Variants in FAM184B observed in about 807,000 individuals in gnomAD.
FAM184B encodes protein FAM184B.
Under a neutral mutation model 135.9 loss-of-function variants are expected in FAM184B, and 111 were observed. The observed-to-expected ratio is 0.82, with a 90% CI of 0.70 to 0.96. The LOEUF (loss-of-function observed/expected upper bound fraction) is 0.96. FAM184B is among the 40% of genes least tolerant of loss of function. The probability of loss-of-function intolerance (pLI) is 0.00; values close to 1 mark genes in which losing one functional copy is unlikely to be tolerated. For synonymous variants in FAM184B, 552 were observed against 524.8 expected (o/e 1.05, Z -0.71); for missense variants, 1,375 against 1,323.9 (o/e 1.04, Z -0.60).
chr4:17,748,602 G>T (rs1479253605), intron 1 of FAM184B, among the ~76,000 whole-genome samples: 1 of 127,216 alleles, frequency 7.9e-6, no homozygotes, highest in African/African-American at 3.1e-5. Flanking sequence ...CTGTAGCCTT[G>T]ACCTCTGGGG....
chr4:17,680,729 C>T lies in FAM184B; in HGVS notation c.1596+7695G>A, dbSNP rs114525251. Among the ~76,000 whole-genome samples, 652 of 152,238 alleles carry T rather than the reference C, an allele frequency of 4.3e-3. 3 individuals are homozygous for T. The highest frequency in any genetic ancestry group is 0.01 in the Middle Eastern group (3 of 294). ...ATAGATCTGCTTCTCCTTTCCAAACCATCTACTGCAAATGCTTCCTCCCAC... is the reference window on the plus strand; with the variant it reads ...ATAGATCTGCTTCTCCTTTCCAAACTATCTACTGCAAATGCTTCCTCCCAC... On this transcript the variant is annotated intron_variant, in intron 7 of 17. Transcript: ENST00000265018.
chr4:17,631,181 C>G lies in FAM184B; in HGVS notation c.*1351G>C, dbSNP rs1041714783. The G allele has an allele frequency of 1.3e-4, 20 of 152,136 alleles. No individual in the cohort carries two copies. The highest frequency in any genetic ancestry group is 4.6e-4 in the African/African-American group (19 of 41,396). 9.4% of individuals were successfully genotyped at this position (152,136 alleles called of 1,614,324 possible). A position where few individuals can be genotyped will look rare whatever the true frequency, so the allele number is the denominator to read the frequency against. ...GCAACACACCATGAGGCAAATGGCT[C>G]AAACCCAAAGACCAGAGGTTCAGGG... On this transcript the variant is annotated 3_prime_UTR_variant, in exon 18 of 18. Coordinates refer to ENST00000265018, the MANE Select transcript of FAM184B (RefSeq NM_015688.2).
chr4:17,661,831 G>A (rs1008006796), intron 8 of FAM184B, among the ~76,000 whole-genome samples: 3 of 152,102 alleles, frequency 2.0e-5, no homozygotes, highest in African/African-American at 7.2e-5. Flanking sequence ...AGAGGGGAGG[G>A]GGCTGAACTT....
At chr4:17,761,621 G>A (rs950841356) in intron 1 of FAM184B, among the ~76,000 whole-genome samples, 5 of 152,168 alleles carry the variant, frequency 3.3e-5, no homozygotes, top group Non-Finnish European at 7.3e-5. Context: ...TTGCCTCCCA[G>A]GTTCAAGTAA....
intron 2 of FAM184B, among the ~76,000 whole-genome samples, chr4:17,708,305 T>C (rs996932731): frequency 6.6e-6 from 1 of 152,054 alleles, no homozygotes; most frequent in Admixed American, 6.5e-5. Flanking sequence ...ACTCACCACG[T>C]GTCCCTTGCC....
At chr4:17,709,669 G>A (rs533502249) in intron 1 of FAM184B, 25 bp from the exon 2 acceptor site, 3 of 1,469,966 alleles carry the variant, frequency 2.0e-6, no homozygotes, top group Non-Finnish European at 2.7e-6. Context: ...ACAGAGCCCA[G>A]TTAGGGTGAG....
At chr4:17,649,821 TATCCACCTGTCCATCC>T (rs932934239) in intron 11 of FAM184B, among the ~76,000 whole-genome samples, 3 of 151,886 alleles carry the variant, frequency 2.0e-5, no homozygotes, top group South Asian at 2.1e-4. Context: ...TCCATCCTTC[TATCCACCTGTCCATCC>T]ATCCACCTGT....
chr4:17,708,663 C>CTACA (rs1717169266), intron 2 of FAM184B, among the ~76,000 whole-genome samples: 1 of 16,978 alleles, frequency 5.9e-5, no homozygotes, highest in Non-Finnish European at 1.0e-4. Flanking sequence ...GGAAACAAAA[C>CTACA]TATATATATA....
At position 17,748,993 on chromosome 4, in the gene FAM184B, A is replaced by ATTT. The variant is rs35520026; in HGVS notation, c.141+32163_141+32165dup. On this transcript the variant is annotated intron_variant, in intron 1 of 17. Coordinates refer to ENST00000265018, the MANE Select transcript of FAM184B (RefSeq NM_015688.2). The stretch of plus-strand genomic sequence containing the variant: ...AGGTGCTTGCCAGCACACCCAGCTA[A>ATTT]TTTTTTTTTTTTTTTTTTTTTTAAG... Among the ~76,000 whole-genome samples, 783 of 128,178 alleles carry ATTT rather than the reference A, an allele frequency of 6.1e-3. 6 individuals are homozygous for ATTT. Among genetic ancestry groups the ATTT allele is most frequent in the African/African-American group, 0.021 (711 of 33,844 alleles). The allele number at this position is 128,178 out of a possible 152,430, so 84.1% of individuals were successfully genotyped here.
rs1288305208 is a variant in FAM184B at position 17,631,488 on chromosome 4, CA to C, written c.*1043del. ...CTAGAAGATCTTTGACTTCAAAGAACAGATAATCTAGAGACCTTCACAAGTG... is the reference window on the plus strand; with the variant it reads ...CTAGAAGATCTTTGACTTCAAAGAACGATAATCTAGAGACCTTCACAAGTG... On this transcript the variant is annotated 3_prime_UTR_variant, in exon 18 of 18. Coordinates refer to ENST00000265018, the MANE Select transcript of FAM184B (RefSeq NM_015688.2). The C allele has an allele frequency of 2.6e-5, 4 of 152,156 alleles. No homozygotes were observed. Among genetic ancestry groups the C allele is most frequent in the African/African-American group, 9.7e-5 (4 of 41,420 alleles). The allele number at this position is 152,156 out of a possible 1,614,324, so 9.4% of individuals were successfully genotyped here.
intron 1 of FAM184B, among the ~76,000 whole-genome samples, chr4:17,755,760 G>T (rs942960269): frequency 1.3e-5 from 2 of 152,196 alleles, no homozygotes; most frequent in African/African-American, 4.8e-5. Flanking sequence ...CCTTTGCAGG[G>T]ACATGGATGG....
rs539229582 is a variant in FAM184B, at chr4:17,658,345, C to T, written c.2037+5G>A. On this transcript the variant is annotated splice_donor_5th_base_variant and intron_variant, in intron 10 of 17. Coordinates refer to ENST00000265018, the MANE Select transcript of FAM184B (RefSeq NM_015688.2). ...ACAGAGTAGACGGCACAGTCATTCCCTCACCTTGAGTTCCTGATGTCTGGC... is the reference window on the plus strand; with the variant it reads ...ACAGAGTAGACGGCACAGTCATTCCTTCACCTTGAGTTCCTGATGTCTGGC... 1.3e-6 allele frequency: 2 copies of T among 1,551,512 alleles called. No individual in the cohort carries two copies. The highest frequency in any genetic ancestry group is 2.4e-5 in the East Asian group (1 of 40,920).
intron 7 of FAM184B, among the ~76,000 whole-genome samples, chr4:17,668,772 G>C (rs1716110061): frequency 6.6e-6 from 1 of 152,164 alleles, no homozygotes; most frequent in African/African-American, 2.4e-5. Context: ...CTGACCTCAA[G>C]TGATCCACCT....
At chr4:17,668,570 T>A (rs555684902) in intron 7 of FAM184B, among the ~76,000 whole-genome samples, 83 of 152,338 alleles carry the variant, frequency 5.4e-4, no homozygotes, top group African/African-American at 1.9e-3. Context: ...TCTTGCTCTG[T>A]CATCCAGGCT....
chr4:17,723,289 G>A (rs749952893), intron 1 of FAM184B, among the ~76,000 whole-genome samples: 15 of 152,260 alleles, frequency 9.9e-5, no homozygotes, highest in Non-Finnish European at 2.1e-4. Context: ...TTCATTTATT[G>A]TAGCTTCTGC....
chr4:17,739,661 T>G (rs186525294), intron 1 of FAM184B, among the ~76,000 whole-genome samples: 6 of 139,022 alleles, frequency 4.3e-5, no homozygotes, highest in Admixed American at 3.3e-4. Flanking sequence ...TTCAAGTGAT[T>G]CTCCTGCCTC....
intron 1 of FAM184B, among the ~76,000 whole-genome samples, chr4:17,752,595 G>A (rs773377791): frequency 3.3e-5 from 5 of 152,136 alleles, no homozygotes; most frequent in Non-Finnish European, 5.9e-5. Context: ...TTCATGGACC[G>A]TGAGGGCAGA....
chr4:17,681,157 A>G (rs531453383), intron 7 of FAM184B, among the ~76,000 whole-genome samples: 2 of 152,374 alleles, frequency 1.3e-5, no homozygotes, highest in African/African-American at 4.8e-5. Context: ...AACAAGAAGT[A>G]GTGCAGCATT....
chr4:17,634,377 A>G (rs967201238), intron 16 of FAM184B, among the ~76,000 whole-genome samples: 9 of 152,182 alleles, frequency 5.9e-5, no homozygotes, highest in African/African-American at 2.2e-4. Context: ...AAGCTGGAGT[A>G]CGGTGGTGCG....
Sources: allele counts gnomAD v4.1 joint callset (sites outside exome capture counted in the v4.1 genomes callset), GRCh38; gene constraint gnomAD v4.1.1; transcripts MANE v1.5; gene names NCBI Gene and HGNC (gene_info 2026-07-23, HGNC 2026-07-21).